Variants in ANK1 observed in about 807,000 individuals in gnomAD.
ANK1 encodes ankyrin 1.
ANK1 carries 51 observed loss-of-function variants against 210.4 expected under a neutral mutation model. That is an observed-to-expected ratio of 0.24 (90% CI 0.19 to 0.31). ANK1 has a LOEUF of 0.31. Among genes scored for constraint, ANK1 ranks in the 10% least tolerant of loss-of-function variants. The pLI is 1.00. For missense variants in ANK1, 2,051 were observed against 2,504.4 expected, an observed-to-expected ratio of 0.82 and a Z score of 3.86; for synonymous variants, 967 against 1,025.9, an observed-to-expected ratio of 0.94 and a Z score of 1.10.
chr8:41,893,327 A>T (rs572417249), intron 1 of ANK1, among the ~76,000 whole-genome samples: 69 of 152,314 alleles, frequency 4.5e-4, no homozygotes, highest in African/African-American at 1.4e-3. Context: ...TGCAGCTACA[A>T]CAGCAAGTGG....
Position 41,692,943 on chromosome 8 carries a change from G to A in ANK1, c.3630-67C>T, listed in dbSNP as rs570586037. ...GAGAGCATCCTTTCCATCCAGACGG[G>A]AGCAGCCCGTGAGCCATACCATGGC... is the stretch of plus-strand genomic sequence containing the variant. On this transcript the variant is annotated intron_variant, in intron 30 of 42. Coordinates refer to ENST00000289734, the MANE Select transcript of ANK1 (RefSeq NM_000037.4). The A allele has an allele frequency of 3.2e-6, 5 of 1,560,908 alleles. No homozygotes were observed. In the East Asian group the frequency reaches 1.1e-4, roughly 35 times the overall value.
Position 41,701,590 on chromosome 8 carries a change from A to G in ANK1, c.2421T>C (p.Pro807=). The change falls in exon 22 of 43, where the codon CCT becomes CCC. Residue 807 remains proline (P), a synonymous_variant. Coordinates refer to ENST00000289734, the MANE Select transcript of ANK1 (RefSeq NM_000037.4). The part of the protein sequence containing the change: ...LVSDKHRMSF[P]ETVDEILDVS... ...CATCCAGGATCTCATCAACTGTCTC[A>G]GGGAAACTCATTCGATGCTTATCAC... The G allele has an allele frequency of 6.2e-7, 1 of 1,614,198 alleles. No individual in the cohort carries two copies. The highest frequency in any genetic ancestry group is 8.5e-7 in the Non-Finnish European group (1 of 1,180,042).
At chr8:41,869,683 G>A (rs1387522555) in intron 1 of ANK1, among the ~76,000 whole-genome samples, 2 of 152,158 alleles carry the variant, frequency 1.3e-5, no homozygotes, top group African/African-American at 2.4e-5. Flanking sequence ...AGCACACTGT[G>A]AGAACTCACA....
At chr8:41,699,034 G>A (rs1821909693) in intron 23 of ANK1, among the ~76,000 whole-genome samples, 1 of 152,074 alleles carries the variant, frequency 6.6e-6, no homozygotes, top group Non-Finnish European at 1.5e-5. Context: ...CCTGACCTCA[G>A]GTGATCCTCC....
chr8:41,890,755 A>G (rs1344185153), intron 1 of ANK1, among the ~76,000 whole-genome samples: 1 of 152,088 alleles, frequency 6.6e-6, no homozygotes, highest in African/African-American at 2.4e-5. Flanking sequence ...AGAAGAAAAA[A>G]ACAGTGACAA....
intron 1 of ANK1, among the ~76,000 whole-genome samples, chr8:41,893,697 T>A (rs1419594099): frequency 6.6e-6 from 1 of 152,180 alleles, no homozygotes; most frequent in Non-Finnish European, 1.5e-5. Context: ...CAGCTATCCA[T>A]CCACACAAGA....
At chr8:41,760,759 TG>T (rs1840205050) in intron 1 of ANK1, among the ~76,000 whole-genome samples, 1 of 152,200 alleles carries the variant, frequency 6.6e-6, no homozygotes, top group African/African-American at 2.4e-5. Flanking sequence ...GGCACATAGT[TG>T]CATACAAGGC....
chr8:41,732,846 C>T (rs749698774), intron 3 of ANK1, among the ~76,000 whole-genome samples: 6 of 151,676 alleles, frequency 4.0e-5, no homozygotes, highest in Middle Eastern at 3.2e-3. Flanking sequence ...CAAGCGATTC[C>T]CCTGCCTCAG....
intron 37 of ANK1, among the ~76,000 whole-genome samples, chr8:41,675,926 T>C (rs1444790746): frequency 6.6e-6 from 1 of 152,256 alleles, no homozygotes; most frequent in African/African-American, 2.4e-5. Context: ...TTGGGTTTCA[T>C]CCATGCTGAT....
chr8:41,695,971 C>T (rs1820801494), intron 26 of ANK1, among the ~76,000 whole-genome samples: 1 of 152,258 alleles, frequency 6.6e-6, no homozygotes, highest in Non-Finnish European at 1.5e-5. Flanking sequence ...TGGGAACTCT[C>T]AGTGCATAAA....
intron 1 of ANK1, among the ~76,000 whole-genome samples, chr8:41,881,115 T>C (rs1563957517): frequency 6.6e-6 from 1 of 152,220 alleles, no homozygotes; most frequent in Non-Finnish European, 1.5e-5. Context: ...ATTTCCTTTC[T>C]CCAGATGGCA....
At chr8:41,781,166 A>C (rs1845238287) in intron 1 of ANK1, among the ~76,000 whole-genome samples, 1 of 152,136 alleles carries the variant, frequency 6.6e-6, no homozygotes, top group South Asian at 2.1e-4. Context: ...GGCTGGAGAG[A>C]AGAGCTGAAA....
At chr8:41,723,775 AT>A (rs1194906831) in intron 7 of ANK1, 142 bp from the exon 8 acceptor site, 78 of 499,268 alleles carry the variant, frequency 1.6e-4, no homozygotes, top group East Asian at 2.3e-4. Context: ...AAGATATTTT[AT>A]TTTTTTTTAT....
chr8:41,656,753 T>C (rs375377804), intron 42 of ANK1, among the ~76,000 whole-genome samples: 71 of 152,154 alleles, frequency 4.7e-4, no homozygotes, highest in Admixed American at 7.2e-4. Flanking sequence ...ATAGAGCTGT[T>C]TTGGGTCCTC....
chr8:41,692,891 G>A lies in ANK1; in HGVS notation c.3630-15C>T, dbSNP rs773943156. Reference sequence around the variant, plus strand: ...ACAGCCAAAACCTAAAAAGTAGGGCGAGTTATGTGTTCCCAAGTGCCCAAC... The same window carrying A: ...ACAGCCAAAACCTAAAAAGTAGGGCAAGTTATGTGTTCCCAAGTGCCCAAC... On this transcript the variant is annotated splice_polypyrimidine_tract_variant and intron_variant, in intron 30 of 42. Coordinates refer to ENST00000289734, the MANE Select transcript of ANK1 (RefSeq NM_000037.4). 5.6e-6 allele frequency: 9 copies of A among 1,610,388 alleles called. No individual in the cohort carries two copies. The highest frequency in any genetic ancestry group is 3.3e-5 in the South Asian group (3 of 90,968).
intron 1 of ANK1, chr8:41,840,010 T>C (rs939109585): frequency 3.9e-5 from 6 of 152,178 alleles, no homozygotes; most frequent in African/African-American, 4.8e-5. Flanking sequence ...AATTTTTCTA[T>C]AGATTTAAAC....
intron 42 of ANK1, chr8:41,660,529 G>C (rs1022774014): frequency 4.3e-6 from 2 of 467,206 alleles, no homozygotes; most frequent in African/African-American, 2.0e-5. Flanking sequence ...ATGGAGATCA[G>C]AGCCGGCCGC....
intron 1 of ANK1, among the ~76,000 whole-genome samples, chr8:41,806,513 A>C (rs1850988388): frequency 1.3e-5 from 2 of 152,212 alleles, no homozygotes; most frequent in South Asian, 4.1e-4. Flanking sequence ...TCAGGAGTTC[A>C]AGACCAGCCT....
intron 1 of ANK1, among the ~76,000 whole-genome samples, chr8:41,851,179 A>T (rs191619679): frequency 4.7e-4 from 71 of 152,304 alleles, no homozygotes; most frequent in Non-Finnish European, 3.4e-4. Context: ...CGACCAAATC[A>T]TGATCAATAT....
Sources: gnomAD v4.1 joint callset for allele counts (sites outside exome capture counted in the v4.1 genomes callset) on GRCh38, gnomAD v4.1.1 for gene constraint, MANE v1.5 for transcripts, NCBI Gene and HGNC (gene_info 2026-07-23, HGNC 2026-07-21) for gene names.